The following SPATA16 variants were observed in gnomAD, a reference collection of about 807,000 sequenced individuals.
SPATA16 encodes spermatogenesis-associated protein 16.
Under a neutral mutation model 63.3 loss-of-function variants are expected in SPATA16, and 36 were observed. The ratio of observed to expected loss-of-function variants is 0.57; its 90% confidence interval spans 0.44 to 0.75. SPATA16 has a LOEUF of 0.75. Among genes scored for constraint, SPATA16 ranks in the 30% least tolerant of loss-of-function variants. The pLI, the probability that SPATA16 is intolerant of heterozygous loss-of-function variation, is 0.00. For missense variants in SPATA16, 646 were observed against 679.3 expected (o/e 0.95, Z 0.54); for synonymous variants, 203 against 216.7 (o/e 0.94, Z 0.56).
chr3:172,899,701 C>T, intron 10 of SPATA16, among the ~76,000 whole-genome samples: 1 of 152,010 alleles, frequency 6.6e-6, no homozygotes. Context: ...TTGTTTCACT[C>T]CCCCTACCTT....
intron 10 of SPATA16, among the ~76,000 whole-genome samples, chr3:172,900,697 A>T (rs373953770): frequency 6.6e-6 from 1 of 151,802 alleles, no homozygotes; most frequent in Non-Finnish European, 1.5e-5. Flanking sequence ...CTGGAGTGCA[A>T]TGGCATGATC....
chr3:173,041,631 G>A (rs2108289878), intron 3 of SPATA16, among the ~76,000 whole-genome samples: 1 of 152,076 alleles, frequency 6.6e-6, no homozygotes, highest in Non-Finnish European at 1.5e-5. Context: ...CAAAAAACTG[G>A]CACCCGCAAT....
At chr3:173,088,331 C>G (rs968633393) in intron 2 of SPATA16, among the ~76,000 whole-genome samples, 5 of 151,962 alleles carry the variant, frequency 3.3e-5, no homozygotes, top group African/African-American at 1.2e-4. Flanking sequence ...GATCCGACCA[C>G]CTTGGCCTCC....
chr3:173,095,172 T>C (rs1328514935), intron 2 of SPATA16, among the ~76,000 whole-genome samples: 1 of 152,162 alleles, frequency 6.6e-6, no homozygotes. Context: ...ATGAGGCTAA[T>C]GGTCGACCTA....
At chr3:172,937,535 T>G (rs1733032318) in intron 6 of SPATA16, among the ~76,000 whole-genome samples, 1 of 152,228 alleles carries the variant, frequency 6.6e-6, no homozygotes, top group Non-Finnish European at 1.5e-5. Flanking sequence ...TCAGTTGAGC[T>G]GAACTTCAGT....
chr3:173,080,579 G>A (rs1736901182), intron 2 of SPATA16, among the ~76,000 whole-genome samples: 2 of 152,108 alleles, frequency 1.3e-5, no homozygotes. Flanking sequence ...CCGCTGTGGG[G>A]AATTTTATGG....
chr3:173,024,432 C>A (rs1168694697), intron 3 of SPATA16, among the ~76,000 whole-genome samples: 2 of 150,876 alleles, frequency 1.3e-5, no homozygotes, highest in African/African-American at 2.4e-5. Flanking sequence ...CCAAGAGTTA[C>A]CAGAAGTAAA....
intron 5 of SPATA16, among the ~76,000 whole-genome samples, chr3:172,964,449 A>G (rs1429496812): frequency 6.6e-6 from 1 of 152,226 alleles, no homozygotes; most frequent in Non-Finnish European, 1.5e-5. Context: ...TTAGGATGCC[A>G]CAGAGCTTTT....
chr3:172,936,874 A>T (rs1577096365), intron 6 of SPATA16, among the ~76,000 whole-genome samples: 2 of 151,668 alleles, frequency 1.3e-5, no homozygotes, highest in East Asian at 3.9e-4. Flanking sequence ...TGGCCAGCTA[A>T]TTTTTTTTGT....
At chr3:173,051,600 G>A (rs1452941011) in intron 2 of SPATA16, among the ~76,000 whole-genome samples, 1 of 152,086 alleles carries the variant, frequency 6.6e-6, no homozygotes, top group Non-Finnish European at 1.5e-5. Context: ...GTCTCCCAAA[G>A]TGTTGGGATT....
intron 4 of SPATA16, among the ~76,000 whole-genome samples, chr3:173,018,209 T>C (rs1019766532): frequency 1.3e-5 from 2 of 152,100 alleles, no homozygotes; most frequent in African/African-American, 4.8e-5. Flanking sequence ...TCTATTTAAC[T>C]GAGTTCAGGC....
intron 2 of SPATA16, among the ~76,000 whole-genome samples, chr3:173,068,808 CAA>C (rs1736587972): frequency 3.1e-5 from 4 of 130,002 alleles, no homozygotes; most frequent in Admixed American, 3.0e-4. Context: ...AACCAAACCC[CAA>C]ATTAGTAAAA....
chr3:172,973,043 A>G (rs1734082324), intron 5 of SPATA16, among the ~76,000 whole-genome samples: 1 of 152,228 alleles, frequency 6.6e-6, no homozygotes, highest in Non-Finnish European at 1.5e-5. Context: ...ATTTGCTAGT[A>G]GAGACTTTGT....
At chr3:172,965,123 A>C (rs1733884682) in intron 5 of SPATA16, among the ~76,000 whole-genome samples, 1 of 152,216 alleles carries the variant, frequency 6.6e-6, no homozygotes, top group South Asian at 2.1e-4. Context: ...TAGTTTGCTA[A>C]AACAATGCTG....
intron 3 of SPATA16, among the ~76,000 whole-genome samples, chr3:173,023,147 G>T (rs945524727): frequency 6.6e-6 from 1 of 151,250 alleles, no homozygotes; most frequent in Non-Finnish European, 1.5e-5. Flanking sequence ...ATGTGTGTGT[G>T]TGTGTGTGTG....
chr3:172,925,286 G>T, intron 7 of SPATA16, 60 bp downstream of exon 7: 5 of 1,588,306 alleles, frequency 3.1e-6, no homozygotes, highest in South Asian at 1.1e-5. Flanking sequence ...AACATTTTTT[G>T]GGGCCCAAAA....
intron 2 of SPATA16, among the ~76,000 whole-genome samples, chr3:173,104,227 C>T (rs758568804): frequency 3.9e-4 from 60 of 152,066 alleles, no homozygotes; most frequent in Non-Finnish European, 5.9e-5. Context: ...CCAAAGTTTC[C>T]CTCATCTTCC....
chr3:173,101,884 T>G (rs1442121366), intron 2 of SPATA16, among the ~76,000 whole-genome samples: 1 of 152,186 alleles, frequency 6.6e-6, no homozygotes, highest in East Asian at 1.9e-4. Context: ...CACTGGACGC[T>G]TTCTTCTGTC....
At chr3:173,084,579 A>G (rs1489198307) in intron 2 of SPATA16, among the ~76,000 whole-genome samples, 1 of 152,182 alleles carries the variant, frequency 6.6e-6, no homozygotes, top group Non-Finnish European at 1.5e-5. Context: ...TGTTTTTGTC[A>G]TGAAATCTTT....
Sources: allele counts gnomAD v4.1 joint callset (sites outside exome capture counted in the v4.1 genomes callset), GRCh38; gene constraint gnomAD v4.1.1; transcripts MANE v1.5; gene names NCBI Gene and HGNC (gene_info 2026-07-23, HGNC 2026-07-21).